The following PTPRD variants were observed in gnomAD, a reference collection of about 807,000 sequenced individuals.
PTPRD encodes protein tyrosine phosphatase receptor type D.
Under a neutral mutation model 214.5 loss-of-function variants are expected in PTPRD, and 34 were observed. The ratio of observed to expected loss-of-function variants is 0.16; its 90% CI spans 0.12 to 0.21. The LOEUF is 0.21. Among genes scored for constraint, PTPRD ranks in the 10% least tolerant of loss-of-function variants. The pLI is 1.00. For synonymous variants in PTPRD, 1,128 were observed against 845.7 expected (o/e 1.33, Z -5.79); for missense variants, 2,545 against 2,398.7 (o/e 1.06, Z -1.27).
chr9:10,142,595 G>A (rs1341446400), intron 3 of PTPRD, among the ~76,000 whole-genome samples: 3 of 150,772 alleles, frequency 2.0e-5, no homozygotes, highest in Non-Finnish European at 4.4e-5. Context: ...ACACCAGTTA[G>A]AATGGCAATC....
intron 3 of PTPRD, among the ~76,000 whole-genome samples, chr9:10,286,099 T>A (rs1160092107): frequency 1.3e-5 from 2 of 152,220 alleles, no homozygotes; most frequent in African/African-American, 4.8e-5. Flanking sequence ...TTTATGTATT[T>A]TTAAATCCAT....
intron 3 of PTPRD, among the ~76,000 whole-genome samples, chr9:10,257,804 A>C (rs1179317753): frequency 6.6e-6 from 1 of 152,222 alleles, no homozygotes; most frequent in Non-Finnish European, 1.5e-5. Flanking sequence ...AAATGGGCTA[A>C]ATAATACAAG....
At chr9:9,882,049 T>C (rs572996668) in intron 5 of PTPRD, among the ~76,000 whole-genome samples, 10 of 152,040 alleles carry the variant, frequency 6.6e-5, no homozygotes, top group East Asian at 5.8e-4. Context: ...ATCTATATAG[T>C]TGAAAAAAGA....
chr9:9,620,846 A>G (rs1360778752), intron 7 of PTPRD, among the ~76,000 whole-genome samples: 1 of 148,476 alleles, frequency 6.7e-6, no homozygotes, highest in Non-Finnish European at 1.5e-5. Flanking sequence ...GCTCTTCTAA[A>G]TGCAAATTGA....
chr9:8,842,056 T>C (rs902711031), intron 11 of PTPRD, among the ~76,000 whole-genome samples: 1 of 151,908 alleles, frequency 6.6e-6, no homozygotes, highest in Non-Finnish European at 1.5e-5. Flanking sequence ...TGAAGTATTT[T>C]TTTAAACAAA....
intron 2 of PTPRD, among the ~76,000 whole-genome samples, chr9:10,358,923 G>A (rs2097327514): frequency 6.6e-6 from 1 of 151,956 alleles, no homozygotes; most frequent in Non-Finnish European, 1.5e-5. Context: ...TTGGTATACT[G>A]TAGTATGCAA....
In PTPRD at chr9:8,700,679, A is replaced by C. The variant is rs149440384; in HGVS notation, c.64+33101T>G. On this transcript the variant is annotated intron_variant, in intron 12 of 45. Transcript: ENST00000381196. ...GTAATTAAAGAAAACTCTTGACTTT[A>C]CCATCACTAAGCAGTGAACAAATCC... 17 of 152,328 alleles carry C rather than the reference A, an allele frequency of 1.1e-4. No homozygotes were observed. In the East Asian group the frequency reaches 3.1e-3, roughly 28 times the overall value. 9.4% of individuals were successfully genotyped at this position (152,328 alleles called of 1,614,324 possible). A position where few individuals can be genotyped will look rare whatever the true frequency, so the allele number is the denominator to read the frequency against.
intron 11 of PTPRD, among the ~76,000 whole-genome samples, chr9:8,999,402 C>G (rs2099409187): frequency 6.6e-6 from 1 of 152,034 alleles, no homozygotes; most frequent in Non-Finnish European, 1.5e-5. Context: ...AAGATTATGA[C>G]TTGCTGAAGG....
chr9:9,678,682 A>G (rs1002936083), intron 7 of PTPRD, among the ~76,000 whole-genome samples: 6 of 151,900 alleles, frequency 3.9e-5, no homozygotes, highest in Non-Finnish European at 1.5e-5. Context: ...GACCTTATAG[A>G]ACAATTAGAA....
chr9:10,158,574 T>A (rs1007468001), intron 3 of PTPRD, among the ~76,000 whole-genome samples: 1 of 152,150 alleles, frequency 6.6e-6, no homozygotes, highest in African/African-American at 2.4e-5. Context: ...ATGCTGTGGT[T>A]ATTACCATCA....
At chr9:9,104,807 T>C (rs959991833) in intron 10 of PTPRD, among the ~76,000 whole-genome samples, 2 of 152,158 alleles carry the variant, frequency 1.3e-5, no homozygotes, top group Admixed American at 6.5e-5. Context: ...AGCACTTTCC[T>C]ATGCACTCGG....
chr9:8,584,220 C>T (rs968537331), intron 14 of PTPRD, among the ~76,000 whole-genome samples: 4 of 151,936 alleles, frequency 2.6e-5, no homozygotes, highest in Admixed American at 2.0e-4. Context: ...CTAGTACCTC[C>T]ATAGCAAATA....
At position 9,188,505 on chromosome 9, in the gene PTPRD, C is replaced by T. The variant is rs369995798; in HGVS notation, c.-202-5142G>A. ...ATATATGAGTGTTTCTGTTGTATAA[C>T]ATCTTTGCCAATAGTTGGTAGAAGT... On this transcript the variant is annotated intron_variant, in intron 9 of 45. Coordinates refer to ENST00000381196, the MANE Select transcript of PTPRD (RefSeq NM_002839.4). 2.5e-4 allele frequency among the ~76,000 whole-genome samples: 38 copies of T among 152,206 alleles called. No individual in the cohort carries two copies. The South Asian group carries it at 7.1e-3, about 28-fold the overall frequency.
chr9:9,971,965 C>T (rs1432975872), intron 4 of PTPRD, among the ~76,000 whole-genome samples: 2 of 151,972 alleles, frequency 1.3e-5, no homozygotes, highest in Non-Finnish European at 2.9e-5. Flanking sequence ...CAAAATTGAT[C>T]AATTAATAAA....
At chr9:9,396,573 TAC>T (rs2067908961) in intron 9 of PTPRD, among the ~76,000 whole-genome samples, 1 of 152,068 alleles carries the variant, frequency 6.6e-6, no homozygotes, top group African/African-American at 2.4e-5. Context: ...TAAATTTTTT[TAC>T]GCCTTCAAAA....
Position 9,247,610 on chromosome 9 carries a change from T to G in PTPRD, c.-202-64247A>C, listed in dbSNP as rs146237916. On this transcript the variant is annotated intron_variant, in intron 9 of 45. Coordinates refer to ENST00000381196, the MANE Select transcript of PTPRD (RefSeq NM_002839.4). The stretch of plus-strand genomic sequence containing the variant: ...TAGCCACTCATCTTTCTTCTCAGAA[T>G]TTTCAACTCTACATAGCCAAAGCCT... 4.6e-3 allele frequency among the ~76,000 whole-genome samples: 699 copies of G among 152,150 alleles called. 5 individuals carry two copies. The highest frequency in any genetic ancestry group is 0.016 in the African/African-American group (675 of 41,524).
chr9:9,474,573 G>A (rs1289596154), intron 8 of PTPRD, among the ~76,000 whole-genome samples: 3 of 151,988 alleles, frequency 2.0e-5, no homozygotes, highest in African/African-American at 7.2e-5. Context: ...TAGCCCATCA[G>A]TACAGGATAT....
intron 5 of PTPRD, among the ~76,000 whole-genome samples, chr9:9,925,807 A>C (rs1008174894): frequency 1.3e-5 from 2 of 152,004 alleles, no homozygotes; most frequent in Non-Finnish European, 2.9e-5. Context: ...AAGAATCTCA[A>C]ATCTATATAC....
At chr9:8,871,615 A>G (rs930270946) in intron 11 of PTPRD, among the ~76,000 whole-genome samples, 11 of 152,128 alleles carry the variant, frequency 7.2e-5, no homozygotes, top group African/African-American at 2.7e-4. Flanking sequence ...TTTGATAGCA[A>G]AATTCCTCTC....
Sources: gnomAD v4.1 joint callset for allele counts (sites outside exome capture counted in the v4.1 genomes callset) on GRCh38, gnomAD v4.1.1 for gene constraint, MANE v1.5 for transcripts, NCBI Gene and HGNC (gene_info 2026-07-23, HGNC 2026-07-21) for gene names.